PDXDC1: variants seen among roughly 807,000 people sequenced by gnomAD.
PDXDC1 encodes pyridoxal-dependent decarboxylase domain-containing protein 1.
A neutral mutation model predicts 100.1 loss-of-function variants in PDXDC1; 42 were observed. That is an observed-to-expected ratio of 0.42 (90% CI 0.33 to 0.54). The LOEUF (loss-of-function observed/expected upper bound fraction) is 0.54, where lower values mean the gene tolerates loss of function less well. Among genes scored for constraint, PDXDC1 ranks in the 20% least tolerant of loss-of-function variants. The probability of loss-of-function intolerance (pLI) is 0.10; values close to 1 mark genes in which losing one functional copy is unlikely to be tolerated. For missense variants in PDXDC1, 636 were observed against 979.2 expected, an observed-to-expected ratio of 0.65 and a Z score of 4.68; for synonymous variants, 260 against 371.7, an observed-to-expected ratio of 0.70 and a Z score of 3.46.
chr16:15,019,269 G>C (rs1237156605), intron 12 of PDXDC1, among the ~76,000 whole-genome samples: 2 of 152,396 alleles, frequency 1.3e-5, no homozygotes, highest in African/African-American at 4.8e-5. Flanking sequence ...AAAAGGTGGA[G>C]GGGTGGGGAG....
Position 15,071,109 on chromosome 16 carries a change from T to C in PDXDC1, c.1399+41053T>C. Reference sequence around the variant, plus strand: ...TGATATTAAAAAGTATTCGGAAAATTAGGCTACTTACATAAGAGGAATAAA... The same window carrying C: ...TGATATTAAAAAGTATTCGGAAAATCAGGCTACTTACATAAGAGGAATAAA... On this transcript the variant is annotated intron_variant, in intron 16 of 16. Coordinates refer to the PDXDC1 transcript ENST00000535621. 2.5e-6 allele frequency: 4 copies of C among 1,593,874 alleles called. No individual in the cohort carries two copies. The South Asian group carries it at 4.6e-5, about 18-fold the overall frequency.
At chr16:15,089,326 A>T (rs2046027150) in intron 16 of PDXDC1, among the ~76,000 whole-genome samples, 1 of 152,118 alleles carries the variant, frequency 6.6e-6, no homozygotes, top group Non-Finnish European at 1.5e-5. Flanking sequence ...ATAAGTCTGG[A>T]GCCCACAAGA....
intron 16 of PDXDC1, chr16:15,070,176 T>C: frequency 6.2e-7 from 1 of 1,610,106 alleles, no homozygotes; most frequent in Non-Finnish European, 8.5e-7. Context: ...CATCGCAGAA[T>C]GCCTTTGTTC....
At position 15,047,610 on chromosome 16, in the gene PDXDC1, C is replaced by T. The variant is rs1044756931; in HGVS notation, c.1399+17554C>T. The T allele has an allele frequency of 5.7e-5, 70 of 1,230,028 alleles. No individual in the cohort carries two copies. In the South Asian group the frequency reaches 6.0e-4, roughly 11 times the overall value. The allele number at this position is 1,230,028 out of a possible 1,614,324, so 76.2% of individuals were successfully genotyped here. A position where few individuals can be genotyped will look rare whatever the true frequency, so the allele number is the denominator to read the frequency against. On this transcript the variant is annotated intron_variant, in intron 16 of 16. Transcript: ENST00000535621. ...CCTGATGCGAGTGCAGTGCGCAGGCCGAGACTCCGCCTGTCCCTCCGGACC... is the reference window on the plus strand; with the variant it reads ...CCTGATGCGAGTGCAGTGCGCAGGCTGAGACTCCGCCTGTCCCTCCGGACC...
intron 16 of PDXDC1, among the ~76,000 whole-genome samples, chr16:15,123,179 T>A (rs1234359233): frequency 1.3e-5 from 2 of 150,982 alleles, no homozygotes; most frequent in African/African-American, 4.9e-5. Flanking sequence ...ACCCCGGTGG[T>A]GCCTCACAAT....
intron 15 of PDXDC1, chr16:15,029,717 C>T: frequency 1.7e-6 from 1 of 576,490 alleles, no homozygotes; most frequent in Non-Finnish European, 3.1e-6. Flanking sequence ...TTGTTATTTT[C>T]TTCTTTTTGT....
At chr16:15,033,662 C>T (rs890679712) in intron 19 of PDXDC1, among the ~76,000 whole-genome samples, 7 of 152,116 alleles carry the variant, frequency 4.6e-5, no homozygotes, top group Admixed American at 6.5e-5. Flanking sequence ...GAGAAGAGGG[C>T]GGGTAGCTGG....
At chr16:15,087,209 G>A (rs571109471) in intron 16 of PDXDC1, among the ~76,000 whole-genome samples, 2 of 152,254 alleles carry the variant, frequency 1.3e-5, no homozygotes, top group South Asian at 4.2e-4. Context: ...AGCAACACAA[G>A]GTCATACCTA....
At chr16:15,148,370 ATTTTTTTTTTT>A in the PDXDC1 span, among the ~76,000 whole-genome samples, 95 of 34,112 alleles carry the variant, frequency 2.8e-3, 1 homozygote, top group Non-Finnish European at 2.8e-3. Flanking sequence ...AGATCCTGTG[ATTTTTTTTTTT>A]TTTTTTTTTT....
chr16:15,038,763 C>T (rs2043666941), downstream of PDXDC1: 2 of 740,974 alleles, frequency 2.7e-6, no homozygotes, highest in Non-Finnish European at 4.7e-6. Context: ...ACGCAAGCTC[C>T]AGTGTAGTCC....
At chr16:15,123,846 C>A (rs1244592269) in intron 16 of PDXDC1, among the ~76,000 whole-genome samples, 1 of 133,776 alleles carries the variant, frequency 7.5e-6, no homozygotes, top group Non-Finnish European at 1.6e-5. Flanking sequence ...ATGATGAGAT[C>A]ATAACATGGC....
downstream of PDXDC1, among the ~76,000 whole-genome samples, chr16:15,143,231 G>A (rs1389365335): frequency 6.6e-6 from 1 of 152,110 alleles, no homozygotes; most frequent in African/African-American, 2.4e-5. Flanking sequence ...GGCACCACTG[G>A]GTGGAGAAGG....
chr16:15,132,674 AC>A (rs2048163584), intron 16 of PDXDC1: 1 of 727,302 alleles, frequency 1.4e-6, no homozygotes. Flanking sequence ...TGAACCCAGT[AC>A]CCTGGCAGGC....
chr16:15,143,954 C>T (rs555640561), downstream of PDXDC1, among the ~76,000 whole-genome samples: 12 of 152,308 alleles, frequency 7.9e-5, no homozygotes, highest in Non-Finnish European at 1.6e-4. Context: ...CCGCGCTGGC[C>T]GCCTCACTGG....
At chr16:15,082,266 C>T (rs1219145821) in intron 16 of PDXDC1, among the ~76,000 whole-genome samples, 3 of 152,102 alleles carry the variant, frequency 2.0e-5, no homozygotes, top group Non-Finnish European at 4.4e-5. Context: ...CTGTTTTTCT[C>T]GTAAAAGGAT....
At chr16:15,152,278 C>G in the PDXDC1 span, among the ~76,000 whole-genome samples, 61,039 of 118,350 alleles carry the variant, frequency 0.52, 18,994 homozygotes, top group Non-Finnish European at 0.65. Flanking sequence ...ACTGGTGACA[C>G]CCAGACAGCA....
chr16:15,048,675 G>C (rs1292241883), intron 16 of PDXDC1, among the ~76,000 whole-genome samples: 3 of 152,162 alleles, frequency 2.0e-5, no homozygotes, highest in Non-Finnish European at 4.4e-5. Flanking sequence ...CCAAGCTGGA[G>C]TATAGTGGTA....
At chr16:15,030,830 G>T (rs1471798439) in intron 16 of PDXDC1, among the ~76,000 whole-genome samples, 1 of 151,952 alleles carries the variant, frequency 6.6e-6, no homozygotes, top group Non-Finnish European at 1.5e-5. Flanking sequence ...TGTGACTCTC[G>T]ATTTTCCACT....
chr16:15,030,700 C>G (rs1230000887), intron 16 of PDXDC1, among the ~76,000 whole-genome samples: 1 of 151,152 alleles, frequency 6.6e-6, no homozygotes, highest in Non-Finnish European at 1.5e-5. Context: ...CTTCCCACCT[C>G]AGCCCCCGAG....
Sources: gnomAD v4.1 joint callset for allele counts (sites outside exome capture counted in the v4.1 genomes callset) on GRCh38, gnomAD v4.1.1 for gene constraint, MANE v1.5 for transcripts, NCBI Gene and HGNC (gene_info 2026-07-23, HGNC 2026-07-21) for gene names.